Variants in STK32B observed in about 807,000 individuals in gnomAD.
STK32B encodes the protein serine/threonine kinase 32B.
Under a neutral mutation model 52.6 loss-of-function variants are expected in STK32B, and 43 were observed. The observed-to-expected ratio is 0.82, with a 90% confidence interval of 0.64 to 1.05. STK32B has a LOEUF of 1.05. STK32B is among the 50% of genes least tolerant of loss of function. STK32B has a pLI of 0.00. For synonymous variants in STK32B, 238 were observed against 204.3 expected (o/e 1.17, Z -1.41); for missense variants, 621 against 534.6 (o/e 1.16, Z -1.59).
chr4:5,096,104 T>A (rs1216375068), intron 1 of STK32B, among the ~76,000 whole-genome samples: 1 of 152,182 alleles, frequency 6.6e-6, no homozygotes, highest in Non-Finnish European at 1.5e-5. Context: ...GCTATAATAC[T>A]AAAAAAATTG....
At chr4:5,192,332 G>C (rs1460782028) in intron 3 of STK32B, among the ~76,000 whole-genome samples, 1 of 152,138 alleles carries the variant, frequency 6.6e-6, no homozygotes, top group Admixed American at 6.5e-5. Context: ...GGTCCTCGGG[G>C]CCCTGGAAGA....
intron 3 of STK32B, among the ~76,000 whole-genome samples, chr4:5,197,258 A>G (rs1721752388): frequency 6.6e-6 from 1 of 152,170 alleles, no homozygotes. Context: ...AGCTGGTAGG[A>G]GGTGCCCAGC....
intron 11 of STK32B, among the ~76,000 whole-genome samples, chr4:5,479,789 T>A (rs1424378094): frequency 6.6e-6 from 1 of 152,184 alleles, no homozygotes; most frequent in Non-Finnish European, 1.5e-5. Flanking sequence ...ATTATTCAAT[T>A]TGGTATGTGT....
rs75502075 is a variant in STK32B at position 5,380,696 on chromosome 4, G to A, written c.435-17511G>A. 1.6e-4 allele frequency among the ~76,000 whole-genome samples: 24 copies of A among 152,150 alleles called. No homozygotes were observed. The highest frequency in any genetic ancestry group is 1.4e-3 in the Admixed American group (22 of 15,282). On this transcript the variant is annotated intron_variant, in intron 4 of 11. Coordinates refer to ENST00000282908, the MANE Select transcript of STK32B (RefSeq NM_018401.3). The surrounding 1 kb of genome is among the most constrained non-coding windows in gnomAD (Gnocchi z 4.3). The stretch of plus-strand genomic sequence containing the variant: ...GATTTAATGCCCGGTACTTGCCATC[G>A]TGAAATCCTTAAAGCTTTGAACAAA...
intron 6 of STK32B, among the ~76,000 whole-genome samples, chr4:5,426,174 G>T (rs1713071423): frequency 6.6e-6 from 1 of 152,096 alleles, no homozygotes; most frequent in Non-Finnish European, 1.5e-5. Context: ...TTCTAGAATG[G>T]CTGGACCTCT....
intron 3 of STK32B, among the ~76,000 whole-genome samples, chr4:5,271,797 T>C (rs868083023): frequency 7.2e-6 from 1 of 138,864 alleles, no homozygotes; most frequent in Non-Finnish European, 1.5e-5. Flanking sequence ...ATGATTTGGC[T>C]CTCTGTTTGT....
At chr4:5,412,253 C>G (rs1260618517) in intron 5 of STK32B, among the ~76,000 whole-genome samples, 1 of 152,154 alleles carries the variant, frequency 6.6e-6, no homozygotes, top group African/African-American at 2.4e-5. Flanking sequence ...GGAAAGTAAA[C>G]CAGTTCGTAT....
At position 5,468,018 on chromosome 4, in the gene STK32B, C is replaced by T. The variant is rs953423621; in HGVS notation, c.1054C>T (p.Gln352Ter). ...KDSCPLNGHL[Q>*]HCLETVREEF... Reference sequence around the variant, plus strand: ...TGCTCTTTGACAGAATGGACACCTGCAGCACTGTTTGGAGACTGTCCGGGA... The same window carrying T: ...TGCTCTTTGACAGAATGGACACCTGTAGCACTGTTTGGAGACTGTCCGGGA... Residue 352 changes from glutamine to a stop codon, truncating the protein, a stop_gained, in exon 11 of 12, where the codon CAG becomes TAG. Transcript: ENST00000282908. LOFTEE classifies it high-confidence loss of function. The T allele has an allele frequency of 2.5e-6, 4 of 1,614,144 alleles. No homozygotes were observed. The highest frequency in any genetic ancestry group is 3.4e-6 in the Non-Finnish European group (4 of 1,179,996).
At chr4:5,420,017 A>T (rs1165068725) in intron 6 of STK32B, among the ~76,000 whole-genome samples, 1 of 152,218 alleles carries the variant, frequency 6.6e-6, no homozygotes, top group Non-Finnish European at 1.5e-5. Context: ...CAGGCACATT[A>T]ACTATAACCT....
chr4:5,276,342 T>C (rs1331049921), intron 3 of STK32B, among the ~76,000 whole-genome samples: 3 of 152,108 alleles, frequency 2.0e-5, no homozygotes, highest in Non-Finnish European at 2.9e-5. Flanking sequence ...TCATGTCTTT[T>C]AAAAAATTAT....
intron 3 of STK32B, among the ~76,000 whole-genome samples, chr4:5,181,710 G>A (rs1045169345): frequency 1.3e-5 from 2 of 152,206 alleles, no homozygotes; most frequent in African/African-American, 4.8e-5. Flanking sequence ...AACAAGGTAC[G>A]TACCATAATT....
intron 6 of STK32B, chr4:5,438,057 T>C (rs1048299214): frequency 8.3e-5 from 82 of 985,500 alleles, no homozygotes; most frequent in Non-Finnish European, 9.5e-5. Flanking sequence ...CTGAATGGAC[T>C]TGGGGCTGCC....
chr4:5,044,020 C>T, the STK32B span, among the ~76,000 whole-genome samples: 3 of 152,190 alleles, frequency 2.0e-5, no homozygotes, highest in Non-Finnish European at 4.4e-5. Flanking sequence ...ATAACAAACA[C>T]GCACTGATGG....
At chr4:5,295,797 C>A (rs911437519) in intron 3 of STK32B, among the ~76,000 whole-genome samples, 20 of 152,048 alleles carry the variant, frequency 1.3e-4, no homozygotes, top group Non-Finnish European at 1.9e-4. Context: ...TTAGTTATTT[C>A]TTGTCTTCTA....
intron 11 of STK32B, among the ~76,000 whole-genome samples, chr4:5,484,767 C>A (rs901193003): frequency 6.6e-6 from 1 of 152,100 alleles, no homozygotes; most frequent in Non-Finnish European, 1.5e-5. Flanking sequence ...TTCAGGAGCT[C>A]TTTTAGGGCA....
In STK32B at chr4:5,469,590, C is replaced by T. The variant is rs1717699960; in HGVS notation, c.1106+1520C>T. On this transcript the variant is annotated intron_variant, in intron 11 of 11. Transcript: ENST00000282908. The surrounding 1 kb of genome is among the most constrained non-coding windows in gnomAD (Gnocchi z 4.7). ...CAGTGGGCAGGACAGGGCCCCAGTC[C>T]CAGTCGATGCTGGGGAGGCAAAGGA... 6.6e-6 allele frequency among the ~76,000 whole-genome samples: 1 copy of T among 152,192 alleles called. No homozygotes were observed. The highest frequency in any genetic ancestry group is 2.1e-4 in the South Asian group (1 of 4,824).
chr4:5,374,990 A>G (rs974040970), intron 4 of STK32B, among the ~76,000 whole-genome samples: 7 of 152,218 alleles, frequency 4.6e-5, no homozygotes, highest in South Asian at 4.1e-4. Flanking sequence ...TGAGGTAATT[A>G]GAAGGATTGA....
chr4:5,394,166 C>T lies in STK32B; in HGVS notation c.435-4041C>T, dbSNP rs918377952. On this transcript the variant is annotated intron_variant, in intron 4 of 11. Coordinates refer to ENST00000282908, the MANE Select transcript of STK32B (RefSeq NM_018401.3). The surrounding 1 kb of genome is among the most constrained non-coding windows in gnomAD (Gnocchi z 4.2). ...CTGTTTTTTAAAATATCCCAGCTGA[C>T]ATTTTATGCTTTGTTTTATTTGAGG... Among the ~76,000 whole-genome samples, 2 of 152,126 alleles carry T rather than the reference C, an allele frequency of 1.3e-5. No individual in the cohort carries two copies. Among genetic ancestry groups the T allele is most frequent in the Non-Finnish European group, 2.9e-5 (2 of 68,012 alleles).
intron 1 of STK32B, among the ~76,000 whole-genome samples, chr4:5,092,456 C>T (rs374775901): frequency 1.8e-3 from 277 of 150,062 alleles, no homozygotes; most frequent in South Asian, 9.3e-3. Flanking sequence ...GGTGTGAACT[C>T]GGGAGGCGGA....
Sources: gnomAD v4.1 joint callset for allele counts (sites outside exome capture counted in the v4.1 genomes callset) on GRCh38, gnomAD v4.1.1 for gene constraint, Gnocchi (gnomAD v3.1) non-coding constraint, MANE v1.5 for transcripts, NCBI Gene and HGNC (gene_info 2026-07-23, HGNC 2026-07-21) for gene names.